Variants in TRPM3 observed in about 807,000 individuals in gnomAD.
The protein encoded by TRPM3 is long transient receptor potential channel 3.
Under a neutral mutation model 181.2 loss-of-function variants are expected in TRPM3, and 77 were observed. The ratio of observed to expected loss-of-function variants is 0.42; its 90% CI spans 0.35 to 0.51. TRPM3 has a LOEUF of 0.51. TRPM3 is among the 20% of genes least tolerant of loss of function. TRPM3 has a pLI of 0.01. For synonymous variants in TRPM3, 745 were observed against 796.4 expected (o/e 0.94, Z 1.09); for missense variants, 1,759 against 2,196.7 (o/e 0.80, Z 3.98).
chr9:70,978,441 T>G (rs993043003), intron 1 of TRPM3, among the ~76,000 whole-genome samples: 3 of 152,214 alleles, frequency 2.0e-5, no homozygotes, highest in African/African-American at 7.2e-5. Context: ...CTAACATAAC[T>G]CAGAAAAATC....
At chr9:70,593,801 G>T (rs1337227669) in intron 21 of TRPM3, among the ~76,000 whole-genome samples, 1 of 149,614 alleles carries the variant, frequency 6.7e-6, no homozygotes. Context: ...TCCTAATCTT[G>T]TAAATATCTT....
chr9:71,040,040 G>T (rs1327010105), intron 1 of TRPM3, among the ~76,000 whole-genome samples: 3 of 152,006 alleles, frequency 2.0e-5, no homozygotes, highest in East Asian at 1.9e-4. Flanking sequence ...TCAATTTTTT[G>T]TCATAATTTT....
chr9:70,792,077 G>T (rs898638603), intron 6 of TRPM3, among the ~76,000 whole-genome samples: 3 of 152,134 alleles, frequency 2.0e-5, no homozygotes, highest in Non-Finnish European at 2.9e-5. Context: ...CTCTCATGGT[G>T]TCCGCCCTAT....
intron 5 of TRPM3, among the ~76,000 whole-genome samples, chr9:70,841,791 G>C (rs1045734343): frequency 3.3e-4 from 50 of 150,734 alleles, no homozygotes; most frequent in African/African-American, 1.2e-3. Context: ...CAGCAACATG[G>C]ATGGAACTGG....
At chr9:70,597,418 T>G (rs541043069) in intron 21 of TRPM3, among the ~76,000 whole-genome samples, 1 of 152,328 alleles carries the variant, frequency 6.6e-6, no homozygotes, top group South Asian at 2.1e-4. Context: ...GTAGGACAGA[T>G]GTACTTAGCT....
At position 70,535,971 on chromosome 9, in the gene TRPM3, A is replaced by C; in HGVS notation, c.5142T>G (p.Phe1714Leu). 1 of 1,600,512 alleles carries C rather than the reference A, an allele frequency of 6.2e-7. No homozygotes were observed. The highest frequency in any genetic ancestry group is 8.5e-7 in the Non-Finnish European group (1 of 1,174,042). ...AGAAGGTTTAGTTGTGCTTGCTTTC[A>C]AAGCTTTGGAAAGCCGATGTTCTGG... is the stretch of plus-strand genomic sequence containing the variant. ...RLSRTSAFQS[F>L]ESKHN is the part of the protein sequence containing the mutation. The change falls in exon 26 of 26, where the codon TTT (phenylalanine) becomes TTG (leucine). Residue 1714 changes from phenylalanine (F) to leucine (L), a missense_variant. By Grantham distance (22) the Phe-to-Leu change is conservative. Around this residue, in one of 8 missense-constraint regions of TRPM3, gnomAD observed 612 missense variants for 590.0 expected, o/e 1.04. Coordinates refer to ENST00000677713, the MANE Select transcript of TRPM3 (RefSeq NM_001366145.2).
intron 1 of TRPM3, among the ~76,000 whole-genome samples, chr9:71,167,037 A>G (rs1311725013): frequency 2.6e-5 from 4 of 152,216 alleles, no homozygotes; most frequent in African/African-American, 7.2e-5. Context: ...AGCTCTGTTG[A>G]ATGTTCCATT....
chr9:70,965,113 CT>C (rs201308977), intron 1 of TRPM3, among the ~76,000 whole-genome samples: 7 of 151,808 alleles, frequency 4.6e-5, no homozygotes, highest in African/African-American at 1.7e-4. Flanking sequence ...TCAAATTATC[CT>C]TTTTTTTATT....
chr9:70,920,196 C>A (rs1453769811), intron 1 of TRPM3, among the ~76,000 whole-genome samples: 1 of 152,166 alleles, frequency 6.6e-6, no homozygotes, highest in East Asian at 1.9e-4. Flanking sequence ...AGGAATTCAG[C>A]AAACCATTTT....
chr9:71,055,374 G>C (rs1486319190), intron 1 of TRPM3, among the ~76,000 whole-genome samples: 7 of 152,076 alleles, frequency 4.6e-5, no homozygotes, highest in South Asian at 4.1e-4. Flanking sequence ...TAGATAATAA[G>C]ATGGAGGAAA....
chr9:70,942,631 C>G (rs1307717877), intron 1 of TRPM3, among the ~76,000 whole-genome samples: 1 of 152,114 alleles, frequency 6.6e-6, no homozygotes, highest in Non-Finnish European at 1.5e-5. Context: ...CTTTCCGTGC[C>G]TTTTATCTCC....
chr9:70,694,918 A>G (rs1156890508), intron 8 of TRPM3, among the ~76,000 whole-genome samples: 1 of 152,234 alleles, frequency 6.6e-6, no homozygotes, highest in Admixed American at 6.5e-5. Context: ...TTAGCCAGTT[A>G]GACTCACCCA....
chr9:70,953,405 AC>A (rs2097026703), intron 1 of TRPM3, among the ~76,000 whole-genome samples: 1 of 152,170 alleles, frequency 6.6e-6, no homozygotes, highest in South Asian at 2.1e-4. Flanking sequence ...AAACAAACAA[AC>A]AAAAAGAAAA....
At chr9:71,284,470 G>A (rs766456278) in intron 1 of TRPM3, among the ~76,000 whole-genome samples, 1 of 152,172 alleles carries the variant, frequency 6.6e-6, no homozygotes, top group Non-Finnish European at 1.5e-5. Flanking sequence ...TAGGAGACTC[G>A]ATCAGATGGC....
intron 1 of TRPM3, among the ~76,000 whole-genome samples, chr9:71,019,121 AAAAC>A (rs1384441741): frequency 2.6e-5 from 4 of 152,076 alleles, no homozygotes; most frequent in East Asian, 1.9e-4. Flanking sequence ...GTTTATCTAC[AAAAC>A]AAACAAACAA....
At chr9:70,624,267 G>A (rs1219463103) in intron 14 of TRPM3, among the ~76,000 whole-genome samples, 1 of 152,132 alleles carries the variant, frequency 6.6e-6, no homozygotes, top group Non-Finnish European at 1.5e-5. Flanking sequence ...TAGACCGTTG[G>A]ATTTTACTTT....
At chr9:71,269,524 C>T (rs762757024) in intron 1 of TRPM3, among the ~76,000 whole-genome samples, 1 of 152,188 alleles carries the variant, frequency 6.6e-6, no homozygotes, top group Non-Finnish European at 1.5e-5. Context: ...GTCAAAACTA[C>T]TTTATAAAGA....
intron 8 of TRPM3, among the ~76,000 whole-genome samples, chr9:70,687,314 T>C (rs1478164234): frequency 6.6e-6 from 1 of 152,188 alleles, no homozygotes; most frequent in Non-Finnish European, 1.5e-5. Flanking sequence ...ATCTCACCAA[T>C]ATGAATTTTA....
chr9:70,650,842 A>T (rs189075642), intron 9 of TRPM3, among the ~76,000 whole-genome samples: 1 of 152,110 alleles, frequency 6.6e-6, no homozygotes, highest in South Asian at 2.1e-4. Context: ...TTCATACTTT[A>T]TCTCCTTTTG....
Sources: gnomAD v4.1 joint callset for allele counts (sites outside exome capture counted in the v4.1 genomes callset) on GRCh38, gnomAD v4.1.1 for gene constraint, gnomAD v4.1.1 regional missense constraint, MANE v1.5 for transcripts, NCBI Gene and HGNC (gene_info 2026-07-23, HGNC 2026-07-21) for gene names.